The following RBFOX1 variants were observed in gnomAD, a reference collection of about 807,000 sequenced individuals.
RBFOX1 encodes RNA binding protein fox-1 homolog 1.
RBFOX1 carries 8 observed loss-of-function variants against 57.7 expected under a neutral mutation model. The observed-to-expected ratio is 0.14, with a 90% CI of 0.08 to 0.25. The LOEUF (loss-of-function observed/expected upper bound fraction) is 0.25, where lower values mean the gene tolerates loss of function less well. RBFOX1 is among the 10% of genes least tolerant of loss of function. RBFOX1 has a pLI of 1.00. For synonymous variants in RBFOX1, 326 were observed against 222.4 expected, an observed-to-expected ratio of 1.47 and a Z score of -4.15; for missense variants, 611 against 548.5, an observed-to-expected ratio of 1.11 and a Z score of -1.14.
At chr16:7,183,873 A>G (rs1337679071) in intron 4 of RBFOX1, among the ~76,000 whole-genome samples, 1 of 152,192 alleles carries the variant, frequency 6.6e-6, no homozygotes, top group Non-Finnish European at 1.5e-5. Flanking sequence ...CCCTCATGGA[A>G]CCACCATTCT....
chr16:6,796,353 A>G (rs988180862), intron 3 of RBFOX1, among the ~76,000 whole-genome samples: 5 of 152,154 alleles, frequency 3.3e-5, no homozygotes, highest in African/African-American at 1.2e-4. Flanking sequence ...GTACACAGCC[A>G]AACCATATCA....
At chr16:6,497,228 G>A (rs973284035) in intron 2 of RBFOX1, among the ~76,000 whole-genome samples, 67 of 152,298 alleles carry the variant, frequency 4.4e-4, no homozygotes, top group African/African-American at 1.5e-3. Context: ...TGTAACTGAG[G>A]CTGGAGAAAG....
intron 1 of RBFOX1, among the ~76,000 whole-genome samples, chr16:6,151,920 T>C (rs1284175948): frequency 6.6e-6 from 1 of 152,202 alleles, no homozygotes; most frequent in African/African-American, 2.4e-5. Flanking sequence ...GTATAGAAGT[T>C]ACTTGCTTAA....
chr16:5,858,856 A>T (rs1232485128), intron 3 of RBFOX1, among the ~76,000 whole-genome samples: 1 of 152,194 alleles, frequency 6.6e-6, no homozygotes, highest in Non-Finnish European at 1.5e-5. Flanking sequence ...CAGTGGCTGG[A>T]ACCAAGTCCC....
chr16:6,419,941 G>A (rs962225187), intron 2 of RBFOX1, among the ~76,000 whole-genome samples: 3 of 152,110 alleles, frequency 2.0e-5, no homozygotes, highest in African/African-American at 7.2e-5. Context: ...AAGACATGCT[G>A]CAGGCCCCCC....
chr16:6,292,694 C>T (rs2152725189), intron 1 of RBFOX1, among the ~76,000 whole-genome samples: 1 of 152,314 alleles, frequency 6.6e-6, no homozygotes, highest in East Asian at 1.9e-4. Flanking sequence ...TATTTGCACA[C>T]ATTGTCAAAA....
At position 7,711,588 on chromosome 16, in the gene RBFOX1, ACT is replaced by A. The variant is rs1176408651; in HGVS notation, c.*844_*845del. ...ATTAATAAAAAGGTGATAAAAAAGC[ACT>A]GTTTCTATTTTTTTCTTTTTTTCCA... On this transcript the variant is annotated 3_prime_UTR_variant, in exon 16 of 16. Transcript: ENST00000550418. 2 of 152,574 alleles carry A rather than the reference ACT, an allele frequency of 1.3e-5. No homozygotes were observed. The highest frequency in any genetic ancestry group is 4.8e-5 in the African/African-American group (2 of 41,440). The allele number at this position is 152,574 out of a possible 1,614,324, so 9.5% of individuals were successfully genotyped here. A position where few individuals can be genotyped will look rare whatever the true frequency, so the allele number is the denominator to read the frequency against.
intron 2 of RBFOX1, among the ~76,000 whole-genome samples, chr16:6,538,736 T>C (rs1599228880): frequency 6.6e-6 from 1 of 152,286 alleles, no homozygotes; most frequent in East Asian, 1.9e-4. Context: ...ACTGAATGTG[T>C]TTGCCTTTTT....
At chr16:6,194,536 T>A (rs1362282250) in intron 1 of RBFOX1, among the ~76,000 whole-genome samples, 1 of 152,180 alleles carries the variant, frequency 6.6e-6, no homozygotes, top group African/African-American at 2.4e-5. Flanking sequence ...CATTTCTCTG[T>A]CTTTATGTAT....
intron 1 of RBFOX1, among the ~76,000 whole-genome samples, chr16:5,396,602 A>C (rs1219370635): frequency 6.6e-6 from 1 of 152,190 alleles, no homozygotes; most frequent in African/African-American, 2.4e-5. Flanking sequence ...AGATCACGCC[A>C]TTCCACTCCA....
At chr16:7,062,963 G>A (rs2054938680) in intron 4 of RBFOX1, among the ~76,000 whole-genome samples, 2 of 101,790 alleles carry the variant, frequency 2.0e-5, no homozygotes, top group African/African-American at 7.7e-5. Context: ...TTTTTTCTGT[G>A]ATCGAAGAAT....
At chr16:6,256,289 A>G (rs1028387481) in intron 1 of RBFOX1, among the ~76,000 whole-genome samples, 38 of 112,816 alleles carry the variant, frequency 3.4e-4, no homozygotes, top group African/African-American at 7.4e-4. Flanking sequence ...ATATGTGTGT[A>G]TATATATATG....
intron 3 of RBFOX1, among the ~76,000 whole-genome samples, chr16:7,038,045 G>A (rs1470046625): frequency 6.6e-6 from 1 of 152,138 alleles, no homozygotes; most frequent in Non-Finnish European, 1.5e-5. Flanking sequence ...TTCTATCCCA[G>A]TAGAGAGATT....
chr16:6,975,083 G>A (rs887071629), intron 3 of RBFOX1, among the ~76,000 whole-genome samples: 49 of 152,088 alleles, frequency 3.2e-4, no homozygotes, highest in African/African-American at 1.1e-3. Context: ...AAGAGGACGG[G>A]AAAACCTCAA....
At chr16:7,391,438 C>A (rs529901875) in intron 4 of RBFOX1, among the ~76,000 whole-genome samples, 1 of 152,318 alleles carries the variant, frequency 6.6e-6, no homozygotes, top group Admixed American at 6.5e-5. Context: ...AAGAGCTCTG[C>A]TATGATTTTC....
At chr16:6,956,738 G>A (rs1005398344) in intron 3 of RBFOX1, among the ~76,000 whole-genome samples, 3 of 152,176 alleles carry the variant, frequency 2.0e-5, no homozygotes, top group African/African-American at 4.8e-5. Flanking sequence ...TATCATCTTC[G>A]ATGGTCTTGT....
chr16:5,809,093 A>T (rs2055331968), intron 3 of RBFOX1, among the ~76,000 whole-genome samples: 1 of 152,210 alleles, frequency 6.6e-6, no homozygotes, highest in Non-Finnish European at 1.5e-5. Context: ...TACTTAATAA[A>T]TGGTGGTGGG....
chr16:5,327,174 A>G (rs1217387059), intron 1 of RBFOX1, among the ~76,000 whole-genome samples: 1 of 152,186 alleles, frequency 6.6e-6, no homozygotes, highest in Non-Finnish European at 1.5e-5. Context: ...TCACCTGGAG[A>G]TTCCAAAAAT....
Position 6,843,126 on chromosome 16 carries a change from G to A in RBFOX1, c.-16+188476G>A, listed in dbSNP as rs963113630. Among the ~76,000 whole-genome samples the A allele has an allele frequency of 1.5e-4, 23 of 152,076 alleles. 1 individual carries two copies. The highest frequency in any genetic ancestry group is 2.2e-4 in the Non-Finnish European group (15 of 67,994). On this transcript the variant is annotated intron_variant, in intron 3 of 15. Transcript: ENST00000550418. ...AAATAGGTTGTTTCTTATTGTTGTTGTTTTCAAAACATAACACATTTTAAG... is the reference window on the plus strand; with the variant it reads ...AAATAGGTTGTTTCTTATTGTTGTTATTTTCAAAACATAACACATTTTAAG...
Sources: gnomAD v4.1 joint callset for allele counts (sites outside exome capture counted in the v4.1 genomes callset) on GRCh38, gnomAD v4.1.1 for gene constraint, MANE v1.5 for transcripts, NCBI Gene and HGNC (gene_info 2026-07-23, HGNC 2026-07-21) for gene names.